Variants in ARMC9 observed in about 807,000 individuals in gnomAD.
ARMC9 encodes lisH domain-containing protein ARMC9.
In ARMC9, 94 loss-of-function variants were observed where a neutral mutation model predicts 107.0. The ratio of observed to expected loss-of-function variants is 0.88; its 90% CI spans 0.74 to 1.04. ARMC9 has a LOEUF of 1.04. Among genes scored for constraint, ARMC9 ranks in the 50% least tolerant of loss-of-function variants. The probability of loss-of-function intolerance (pLI) is 0.00; values close to 1 mark genes in which losing one functional copy is unlikely to be tolerated. For missense variants in ARMC9, 942 were observed against 1,030.1 expected, an observed-to-expected ratio of 0.91 and a Z score of 1.17; for synonymous variants, 380 against 396.9, an observed-to-expected ratio of 0.96 and a Z score of 0.51.
At chr2:231,357,554 C>A (rs1373915324) in intron 22 of ARMC9, among the ~76,000 whole-genome samples, 1 of 150,934 alleles carries the variant, frequency 6.6e-6, no homozygotes, top group African/African-American at 2.5e-5. Context: ...CACCCCTAGT[C>A]CTCCTTTTAT....
rs1484563887 is a variant in ARMC9, at chr2:231,360,713, C to G, written c.2132-41C>G. Reference sequence around the variant, plus strand: ...ACGAGAGGGCATCCTTAGAGGGGCTCCAGAGCAGATGTGGACTGAACTTTC... The same window carrying G: ...ACGAGAGGGCATCCTTAGAGGGGCTGCAGAGCAGATGTGGACTGAACTTTC... On this transcript the variant is annotated intron_variant, in intron 22 of 24. Transcript: ENST00000611582. This position sits in a 1 kb window ranked among gnomAD's most constrained non-coding sequence, Gnocchi z 4.7. 2 of 1,536,140 alleles carry G rather than the reference C, an allele frequency of 1.3e-6. No individual in the cohort carries two copies. Among genetic ancestry groups the G allele is most frequent in the South Asian group, 1.2e-5 (1 of 84,062 alleles).
intron 19 of ARMC9, among the ~76,000 whole-genome samples, chr2:231,308,931 C>T (rs1001734450): frequency 1.3e-5 from 2 of 152,210 alleles, no homozygotes; most frequent in African/African-American, 2.4e-5. Flanking sequence ...ATGGCCAGCT[C>T]GCTTGGCGTG....
In ARMC9 at chr2:231,360,982, C is replaced by T; in HGVS notation, c.2261+99C>T. 7.0e-7 allele frequency: 1 copy of T among 1,429,034 alleles called. No individual in the cohort carries two copies. The allele number at this position is 1,429,034 out of a possible 1,614,324, so 88.5% of individuals were successfully genotyped here. On this transcript the variant is annotated intron_variant, in intron 23 of 24. Coordinates refer to ENST00000611582, the MANE Select transcript of ARMC9 (RefSeq NM_001352754.2). This position sits in a 1 kb window ranked among gnomAD's most constrained non-coding sequence, Gnocchi z 4.7. ...AGCACCCAGGAGACCTGGAAGGCTCCTCTGAGGCCCAGCCTCTGACAGGGG... is the reference window on the plus strand; with the variant it reads ...AGCACCCAGGAGACCTGGAAGGCTCTTCTGAGGCCCAGCCTCTGACAGGGG...
chr2:231,262,541 A>G, intron 12 of ARMC9, 143 bp downstream of exon 12: 1 of 784,690 alleles, frequency 1.3e-6, no homozygotes, highest in Non-Finnish European at 2.1e-6. Flanking sequence ...GGTTCTGGGC[A>G]TTGGCTTACT....
intron 22 of ARMC9, among the ~76,000 whole-genome samples, chr2:231,357,810 A>G (rs1174567904): frequency 2.0e-5 from 3 of 152,124 alleles, no homozygotes; most frequent in Non-Finnish European, 4.4e-5. Context: ...GTCTCAAGTA[A>G]TCCTCCTGCC....
At chr2:231,229,038 T>C (rs1285770930) in intron 7 of ARMC9, among the ~76,000 whole-genome samples, 1 of 152,074 alleles carries the variant, frequency 6.6e-6, no homozygotes. Flanking sequence ...GGAATTTCAG[T>C]AAGGAGACCA....
chr2:231,302,741 G>A (rs2041829507), intron 19 of ARMC9, among the ~76,000 whole-genome samples: 1 of 152,136 alleles, frequency 6.6e-6, no homozygotes, highest in African/African-American at 2.4e-5. Context: ...AGTGGCTCAC[G>A]CCTGTAATCT....
In ARMC9 at chr2:231,273,037, C is replaced by T. The variant is rs1559384899; in HGVS notation, c.1293C>T (p.Thr431=). The T allele has an allele frequency of 1.2e-6, 2 of 1,613,876 alleles. No individual in the cohort carries two copies. Among genetic ancestry groups the T allele is most frequent in the East Asian group, 4.5e-5 (2 of 44,876 alleles). The part of the protein sequence containing the change: ...RLKEEDKDII[T]RENVLGALQK... ...AGGAGGAGGACAAGGATATCATCAC[C>T]AGGGAGAATGTTCTTGGGGCCCTGC... is the stretch of plus-strand genomic sequence containing the variant. The change falls in exon 14 of 25, where the codon ACC becomes ACT. Residue 431 remains threonine, a synonymous_variant. Coordinates refer to ENST00000611582, the MANE Select transcript of ARMC9 (RefSeq NM_001352754.2).
chr2:231,229,786 T>A (rs367590612), intron 7 of ARMC9, among the ~76,000 whole-genome samples: 1 of 152,190 alleles, frequency 6.6e-6, no homozygotes, highest in African/African-American at 2.4e-5. Context: ...GAGGTTAATT[T>A]TAGCTTTTCA....
At chr2:231,363,192 G>T (rs1225362060) in intron 23 of ARMC9, among the ~76,000 whole-genome samples, 1 of 152,226 alleles carries the variant, frequency 6.6e-6, no homozygotes, top group Non-Finnish European at 1.5e-5. Context: ...TCTGCACCTG[G>T]CCTAGGTGGT....
At chr2:231,310,338 G>A (rs1575036099) in intron 19 of ARMC9, among the ~76,000 whole-genome samples, 1 of 150,044 alleles carries the variant, frequency 6.7e-6, no homozygotes, top group Admixed American at 6.6e-5. Context: ...TGAATTGCTT[G>A]AACCCGGGAG....
rs577115067 is a variant in ARMC9 at position 231,254,570 on chromosome 2, G to A, written c.880-2016G>A. Among the ~76,000 whole-genome samples, 12 of 151,532 alleles carry A rather than the reference G, an allele frequency of 7.9e-5. No homozygotes were observed. In the South Asian group the frequency reaches 2.5e-3, roughly 32 times the overall value. On this transcript the variant is annotated intron_variant, in intron 9 of 24. Coordinates refer to ENST00000611582, the MANE Select transcript of ARMC9 (RefSeq NM_001352754.2). ...ATGGTGGCGCACACCCGTAATCCCAGCTACTCTGGAGGCTGAGGCAGGAGG... is the reference window on the plus strand; with the variant it reads ...ATGGTGGCGCACACCCGTAATCCCAACTACTCTGGAGGCTGAGGCAGGAGG...
chr2:231,276,083 T>C (rs2039723921), intron 14 of ARMC9, among the ~76,000 whole-genome samples: 1 of 152,232 alleles, frequency 6.6e-6, no homozygotes, highest in African/African-American at 2.4e-5. Context: ...TAATTTTAAA[T>C]ATTGAAAAGG....
intron 22 of ARMC9, among the ~76,000 whole-genome samples, chr2:231,359,674 A>G (rs1292660078): frequency 1.3e-5 from 2 of 152,022 alleles, no homozygotes; most frequent in Non-Finnish European, 2.9e-5. Context: ...GACTTCACTC[A>G]AGTATTCTCT....
chr2:231,275,149 T>A (rs890666056), intron 14 of ARMC9, among the ~76,000 whole-genome samples: 2 of 152,192 alleles, frequency 1.3e-5, no homozygotes, highest in Admixed American at 1.3e-4. Context: ...TTTTCCAGAG[T>A]CTCTGCAATA....
chr2:231,216,307 A>G (rs2033494691), intron 4 of ARMC9, among the ~76,000 whole-genome samples: 1 of 152,234 alleles, frequency 6.6e-6, no homozygotes, highest in Non-Finnish European at 1.5e-5. Context: ...TGGGGAAGCT[A>G]GTTAAATAAA....
rs549337766 is a variant in ARMC9 at position 231,357,440 on chromosome 2, C to T, written c.2131+1506C>T. Among the ~76,000 whole-genome samples, 6 of 152,322 alleles carry T rather than the reference C, an allele frequency of 3.9e-5. No homozygotes were observed. In the South Asian group the frequency reaches 1.2e-3, roughly 32 times the overall value. Reference sequence around the variant, plus strand: ...CTATTGGCTCAGCCTGGCTGGGACCCAGGACACGGACCCACGCAGCCCTGC... The same window carrying T: ...CTATTGGCTCAGCCTGGCTGGGACCTAGGACACGGACCCACGCAGCCCTGC... On this transcript the variant is annotated intron_variant, in intron 22 of 24. Coordinates refer to ENST00000611582, the MANE Select transcript of ARMC9 (RefSeq NM_001352754.2).
rs1416867999 is a variant in ARMC9, at chr2:231,255,215, ACACAC to A, written c.880-1370_880-1366del. On this transcript the variant is annotated intron_variant, in intron 9 of 24. Coordinates refer to ENST00000611582, the MANE Select transcript of ARMC9 (RefSeq NM_001352754.2). The surrounding 1 kb of genome is among the most constrained non-coding windows in gnomAD (Gnocchi z 4.7). ...CACACACACACACACACACACACAC[ACACAC>A]AAAATAAATGGGACAAGAATCTCCG... 1.3e-5 allele frequency among the ~76,000 whole-genome samples: 2 copies of A among 150,658 alleles called. No homozygotes were observed. Among genetic ancestry groups the A allele is most frequent in the Non-Finnish European group, 2.9e-5 (2 of 67,820 alleles).
intron 19 of ARMC9, among the ~76,000 whole-genome samples, chr2:231,329,437 G>A (rs946577894): frequency 1.3e-5 from 2 of 152,008 alleles, no homozygotes; most frequent in Non-Finnish European, 2.9e-5. Context: ...CAGCCTCTGA[G>A]TAGCTGGGAT....
Sources: gnomAD v4.1 joint callset for allele counts (sites outside exome capture counted in the v4.1 genomes callset) on GRCh38, gnomAD v4.1.1 for gene constraint, Gnocchi (gnomAD v3.1) non-coding constraint, MANE v1.5 for transcripts, NCBI Gene and HGNC (gene_info 2026-07-23, HGNC 2026-07-21) for gene names.